KCNQ5: variants seen among roughly 807,000 people sequenced by gnomAD.
KCNQ5 encodes the protein potassium voltage-gated channel subfamily KQT member 5.
Under a neutral mutation model 98.2 loss-of-function variants are expected in KCNQ5, and 30 were observed. The ratio of observed to expected loss-of-function variants is 0.31; its 90% CI spans 0.23 to 0.41. The LOEUF (loss-of-function observed/expected upper bound fraction) is 0.41. Among genes scored for constraint, KCNQ5 ranks in the 10% least tolerant of loss-of-function variants. The probability of loss-of-function intolerance (pLI) is 1.00; values close to 1 mark genes in which losing one functional copy is unlikely to be tolerated. For missense variants in KCNQ5, 835 were observed against 1,182.5 expected, an observed-to-expected ratio of 0.71 and a Z score of 4.31; for synonymous variants, 458 against 449.4, an observed-to-expected ratio of 1.02 and a Z score of -0.24.
intron 6 of KCNQ5, among the ~76,000 whole-genome samples, chr6:73,110,193 A>G (rs1775181180): frequency 6.6e-6 from 1 of 152,140 alleles, no homozygotes; most frequent in African/African-American, 2.4e-5. Flanking sequence ...ATCTCTAACC[A>G]AAGGGTTAGA....
intron 1 of KCNQ5, among the ~76,000 whole-genome samples, chr6:72,655,033 T>TTTCTTTCC (rs1766090042): frequency 1.5e-5 from 1 of 66,184 alleles, no homozygotes; most frequent in Non-Finnish European, 2.7e-5. Context: ...TCTGTCTTTC[T>TTTCTTTCC]TTCTTTCTTT....
chr6:72,981,068 T>A lies in KCNQ5; in HGVS notation c.399-22840T>A, dbSNP rs183066906. Among the ~76,000 whole-genome samples the A allele has an allele frequency of 2.2e-3, 335 of 152,326 alleles. 1 individual carries two copies. Among genetic ancestry groups the A allele is most frequent in the Non-Finnish European group, 3.6e-3 (246 of 68,022 alleles). On this transcript the variant is annotated intron_variant, in intron 1 of 13. Transcript: ENST00000370398. The stretch of plus-strand genomic sequence containing the variant: ...GCTGCTGATTTGGTTTGCCAGTATT[T>A]TATTGAGGATTTTCTCATCGATATT...
intron 1 of KCNQ5, among the ~76,000 whole-genome samples, chr6:72,640,019 C>T (rs1009877170): frequency 6.6e-6 from 1 of 152,018 alleles, no homozygotes; most frequent in African/African-American, 2.4e-5. Flanking sequence ...ATAAATAACG[C>T]GATGTCTTGA....
At chr6:72,792,128 A>T (rs1332857179) in intron 1 of KCNQ5, among the ~76,000 whole-genome samples, 1 of 152,196 alleles carries the variant, frequency 6.6e-6, no homozygotes, top group Non-Finnish European at 1.5e-5. Flanking sequence ...AAATTGTTAA[A>T]TATATTTGTG....
At chr6:73,186,396 CT>C (rs1778573294) in intron 11 of KCNQ5, among the ~76,000 whole-genome samples, 1 of 152,226 alleles carries the variant, frequency 6.6e-6, no homozygotes, top group South Asian at 2.1e-4. Context: ...TGATCTCCAT[CT>C]TCAAAAACTT....
At position 72,740,586 on chromosome 6, in the gene KCNQ5, C is replaced by T. The variant is rs567479937; in HGVS notation, c.398+117999C>T. Among the ~76,000 whole-genome samples, 52 of 152,152 alleles carry T rather than the reference C, an allele frequency of 3.4e-4. 2 individuals are homozygous for T. In the South Asian group the frequency reaches 0.011, roughly 31 times the overall value. On this transcript the variant is annotated intron_variant, in intron 1 of 13. Coordinates refer to ENST00000370398, the MANE Select transcript of KCNQ5 (RefSeq NM_019842.4). Reference sequence around the variant, plus strand: ...TTGTGGAGGATCTGGGGAGAGATCACAGGCAATGGATATAGTTGAGCAATA... The same window carrying T: ...TTGTGGAGGATCTGGGGAGAGATCATAGGCAATGGATATAGTTGAGCAATA...
chr6:72,882,815 T>G (rs1164800480), intron 1 of KCNQ5, among the ~76,000 whole-genome samples: 1 of 152,186 alleles, frequency 6.6e-6, no homozygotes, highest in Non-Finnish European at 1.5e-5. Flanking sequence ...TCTGCTGGGT[T>G]GGTGCTGATT....
intron 1 of KCNQ5, among the ~76,000 whole-genome samples, chr6:72,940,264 A>G (rs999965768): frequency 3.9e-5 from 6 of 152,222 alleles, no homozygotes; most frequent in Non-Finnish European, 5.9e-5. Flanking sequence ...TACCAAAGGA[A>G]ACTGAATCAT....
chr6:72,674,177 C>A (rs1467683508), intron 1 of KCNQ5, among the ~76,000 whole-genome samples: 1 of 151,788 alleles, frequency 6.6e-6, no homozygotes, highest in Non-Finnish European at 1.5e-5. Flanking sequence ...TGTATGTCTG[C>A]CTATCTGTCT....
intron 1 of KCNQ5, among the ~76,000 whole-genome samples, chr6:72,759,154 C>A (rs1256828472): frequency 6.6e-6 from 1 of 152,120 alleles, no homozygotes; most frequent in Non-Finnish European, 1.5e-5. Flanking sequence ...GCACAACATC[C>A]AGAGTTGGCA....
intron 3 of KCNQ5, among the ~76,000 whole-genome samples, chr6:73,071,672 A>G (rs1167792932): frequency 1.3e-5 from 2 of 152,062 alleles, no homozygotes; most frequent in Non-Finnish European, 2.9e-5. Flanking sequence ...CATAAGTGCC[A>G]TTTTCTTTTT....
chr6:72,745,165 G>A (rs1041457017), intron 1 of KCNQ5, among the ~76,000 whole-genome samples: 1 of 151,906 alleles, frequency 6.6e-6, no homozygotes, highest in African/African-American at 2.4e-5. Flanking sequence ...TTATTGCTTT[G>A]CCATTTAAAA....
chr6:72,658,674 G>A (rs906068294), intron 1 of KCNQ5, among the ~76,000 whole-genome samples: 2 of 144,028 alleles, frequency 1.4e-5, no homozygotes, highest in Non-Finnish European at 3.0e-5. Context: ...TCCGTCTCTC[G>A]GGCTCAAGCA....
intron 2 of KCNQ5, among the ~76,000 whole-genome samples, chr6:73,026,836 C>A (rs1369567597): frequency 6.6e-6 from 1 of 151,226 alleles, no homozygotes; most frequent in African/African-American, 2.4e-5. Flanking sequence ...ATGGATTTTT[C>A]ATTCCAATTT....
chr6:72,870,965 T>A (rs921022192), intron 1 of KCNQ5, among the ~76,000 whole-genome samples: 6 of 152,238 alleles, frequency 3.9e-5, no homozygotes, highest in African/African-American at 1.2e-4. Flanking sequence ...GTTTTAACCA[T>A]TTGGGACTAA....
At chr6:72,775,797 T>C (rs1773132857) in intron 1 of KCNQ5, among the ~76,000 whole-genome samples, 1 of 152,072 alleles carries the variant, frequency 6.6e-6, no homozygotes, top group South Asian at 2.1e-4. Context: ...TTCCACAAAA[T>C]AGCTCATCTG....
intron 1 of KCNQ5, among the ~76,000 whole-genome samples, chr6:72,852,669 C>A (rs1777325160): frequency 2.3e-5 from 1 of 42,584 alleles, no homozygotes. Flanking sequence ...ATAAATGGCA[C>A]TTAATGGTAA....
chr6:72,803,018 T>A (rs980760624), intron 1 of KCNQ5, among the ~76,000 whole-genome samples: 6 of 152,092 alleles, frequency 3.9e-5, no homozygotes, highest in African/African-American at 1.4e-4. Flanking sequence ...CCTGAGATAA[T>A]CAGGAAGATT....
At chr6:73,039,547 A>T (rs4708013) in intron 2 of KCNQ5, among the ~76,000 whole-genome samples, 144,547 of 152,034 alleles carry the variant, frequency 0.95, 68,891 homozygotes, top group East Asian at 0.99. Context: ...TCAATTTTTT[A>T]AAAATTTTTG....
Sources: gnomAD v4.1 joint callset for allele counts (sites outside exome capture counted in the v4.1 genomes callset) on GRCh38, gnomAD v4.1.1 for gene constraint, MANE v1.5 for transcripts, NCBI Gene and HGNC (gene_info 2026-07-23, HGNC 2026-07-21) for gene names.